Variants in CLEC12A observed in about 807,000 individuals in gnomAD.
CLEC12A encodes the protein C-type lectin protein CLL-1.
Under a neutral mutation model 26.5 loss-of-function variants are expected in CLEC12A, and 22 were observed. That is an observed-to-expected ratio of 0.83 (90% CI 0.59 to 1.19). The LOEUF is 1.19. Ranked by LOEUF, CLEC12A falls within the 50% of genes most tolerant of loss-of-function variation. The pLI is 0.00. For missense variants in CLEC12A, 353 were observed against 315.6 expected (o/e 1.12, Z -0.90); for synonymous variants, 119 against 101.9 (o/e 1.17, Z -1.01).
At chr12:9,982,287 A>G (rs1864591732) in intron 5 of CLEC12A, among the ~76,000 whole-genome samples, 158 bp downstream of exon 5, 1 of 152,126 alleles carries the variant, frequency 6.6e-6, no homozygotes, top group East Asian at 1.9e-4. Flanking sequence ...TCTAATACAT[A>G]AAGTTACCAT....
intron 4 of CLEC12A, chr12:9,994,984 T>C: frequency 6.5e-7 from 1 of 1,528,004 alleles, no homozygotes; most frequent in Non-Finnish European, 8.8e-7. Context: ...GGGAAAGAAT[T>C]GTCTTATGAC....
At chr12:9,981,827 A>AT (rs1864569681) in intron 4 of CLEC12A, among the ~76,000 whole-genome samples, 193 bp from the exon 5 acceptor site, 1 of 152,152 alleles carries the variant, frequency 6.6e-6, no homozygotes, top group Non-Finnish European at 1.5e-5. Flanking sequence ...GAGACCAGCA[A>AT]TGATATTGTT....
chr12:9,987,671 G>T (rs879630264), downstream of CLEC12A, among the ~76,000 whole-genome samples: 11 of 152,040 alleles, frequency 7.2e-5, no homozygotes, highest in Non-Finnish European at 1.5e-4. Flanking sequence ...TTAGGTAAAG[G>T]GCTTACAACT....
chr12:9,952,944 A>AC (rs1863654161), intron 1 of CLEC12A: 1 of 71,110 alleles, frequency 1.4e-5, no homozygotes, highest in Non-Finnish European at 2.7e-5. Context: ...CCTGGCAACC[A>AC]CCCCGTCTGA....
intron 1 of CLEC12A, among the ~76,000 whole-genome samples, chr12:9,955,703 A>G (rs960602843): frequency 6.6e-6 from 1 of 152,226 alleles, no homozygotes; most frequent in African/African-American, 2.4e-5. Context: ...CAAAAACCCA[A>G]TAACAATGAC....
At chr12:9,978,925 A>T (rs753725412) in intron 1 of CLEC12A, 41 bp from the exon 2 acceptor site, 12 of 1,352,652 alleles carry the variant, frequency 8.9e-6, no homozygotes, top group Non-Finnish European at 1.2e-5. Context: ...AATGAAAGTT[A>T]TACCATTTTT....
chr12:10,001,691 G>A, the CLEC12A span, among the ~76,000 whole-genome samples: 1 of 152,182 alleles, frequency 6.6e-6, no homozygotes. Context: ...CTGCAGGAAA[G>A]AGAGATAGAT....
At chr12:9,969,567 G>A (rs764034733), upstream of CLEC12A, among the ~76,000 whole-genome samples, 42 of 152,242 alleles carry the variant, frequency 2.8e-4, no homozygotes, top group Non-Finnish European at 4.4e-4. Flanking sequence ...AGGACTTTGA[G>A]ATTTTTCATT....
intron 1 of CLEC12A, among the ~76,000 whole-genome samples, chr12:9,978,040 T>A (rs592679): frequency 1.2e-4 from 18 of 152,234 alleles, no homozygotes; most frequent in African/African-American, 4.3e-4. Context: ...AAAGTCTATA[T>A]AAGTTAAGTT....
chr12:9,961,581 G>A (rs1232425266), intron 1 of CLEC12A, among the ~76,000 whole-genome samples: 5 of 152,076 alleles, frequency 3.3e-5, no homozygotes, highest in African/African-American at 7.2e-5. Flanking sequence ...AAACAACTGA[G>A]AAGGCAAAAT....
chr12:9,956,194 C>A (rs902333331), intron 1 of CLEC12A, among the ~76,000 whole-genome samples: 1 of 152,198 alleles, frequency 6.6e-6, no homozygotes, highest in Non-Finnish European at 1.5e-5. Flanking sequence ...GGGGACTAAT[C>A]TATATCTCTC....
intron 1 of CLEC12A, among the ~76,000 whole-genome samples, chr12:9,960,139 A>T (rs1446821210): frequency 6.6e-6 from 1 of 152,178 alleles, no homozygotes; most frequent in Non-Finnish European, 1.5e-5. Context: ...TTAAACCATG[A>T]ATTCAACATA....
At chr12:9,963,597 G>A (rs140463551) in intron 1 of CLEC12A, among the ~76,000 whole-genome samples, 2,625 of 152,086 alleles carry the variant, frequency 0.017, 31 homozygotes, top group Non-Finnish European at 0.027. Flanking sequence ...TTTTTGTCGT[G>A]TCGGTGTCAT....
rs1864134009 is a variant in CLEC12A, at chr12:9,971,703, A to G, written c.91+16A>G. 1.2e-6 allele frequency: 2 copies of G among 1,605,354 alleles called. No homozygotes were observed. Among genetic ancestry groups the G allele is most frequent in the Non-Finnish European group, 1.7e-6 (2 of 1,175,902 alleles). On this transcript the variant is annotated intron_variant, in intron 1 of 5. Coordinates refer to ENST00000304361, the MANE Select transcript of CLEC12A (RefSeq NM_138337.6). Reference sequence around the variant, plus strand: ...GGGGAAAAAGGTAAGATTTTGAGTTATGGATGTGTTGTAAGTTTGTATAAT... The same window carrying G: ...GGGGAAAAAGGTAAGATTTTGAGTTGTGGATGTGTTGTAAGTTTGTATAAT...
chr12:10,004,283 G>A, the CLEC12A span, among the ~76,000 whole-genome samples: 50 of 152,378 alleles, frequency 3.3e-4, no homozygotes, highest in Admixed American at 5.2e-4. Context: ...GAGGGCCAGT[G>A]TGACAGCTTT....
At chr12:9,998,100 T>G (rs1203575813), downstream of CLEC12A, among the ~76,000 whole-genome samples, 1 of 152,222 alleles carries the variant, frequency 6.6e-6, no homozygotes, top group African/African-American at 2.4e-5. Flanking sequence ...TAAAATCTTA[T>G]TTTAATCACA....
At chr12:9,989,994 T>C (rs760501887), downstream of CLEC12A, among the ~76,000 whole-genome samples, 1 of 152,148 alleles carries the variant, frequency 6.6e-6, no homozygotes, top group Non-Finnish European at 1.5e-5. Flanking sequence ...TATAGCATTG[T>C]TTACTGAGTA....
At chr12:9,971,838 C>T in intron 1 of CLEC12A, 151 bp downstream of exon 1, 1 of 582,292 alleles carries the variant, frequency 1.7e-6, no homozygotes, top group Admixed American at 4.0e-5. Context: ...AGTGTATGAA[C>T]AAAATGATTA....
chr12:9,954,786 A>C (rs1478864135), intron 1 of CLEC12A, among the ~76,000 whole-genome samples: 6 of 152,236 alleles, frequency 3.9e-5, no homozygotes, highest in Admixed American at 2.6e-4. Flanking sequence ...GCATTTTTCA[A>C]GTTTACATGA....
Sources: gnomAD v4.1 joint callset for allele counts (sites outside exome capture counted in the v4.1 genomes callset) on GRCh38, gnomAD v4.1.1 for gene constraint, MANE v1.5 for transcripts, NCBI Gene and HGNC (gene_info 2026-07-23, HGNC 2026-07-21) for gene names.